The following ICE2 variants were observed in gnomAD, a reference collection of about 807,000 sequenced individuals.
ICE2 encodes the protein little elongation complex subunit 2.
Under a neutral mutation model 105.4 loss-of-function variants are expected in ICE2, and 87 were observed. That is an observed-to-expected ratio of 0.83 (90% confidence interval 0.69 to 0.99). ICE2 has a LOEUF of 0.99. Among genes scored for constraint, ICE2 ranks in the 50% least tolerant of loss-of-function variants. ICE2 has a pLI of 0.00. For synonymous variants in ICE2, 399 were observed against 392.0 expected, an observed-to-expected ratio of 1.02 and a Z score of -0.21; for missense variants, 1,323 against 1,146.7, an observed-to-expected ratio of 1.15 and a Z score of -2.22.
chr15:60,453,386 G>A lies in ICE2; in HGVS notation c.1125+217C>T, dbSNP rs907370059. On this transcript the variant is annotated intron_variant, in intron 9 of 15. Transcript: ENST00000261520. ...TTAACCCTCATAATAACCTTGTCAA[G>A]TAGGTACTACTTCCTTTCATGTATG... 152 of 1,338,374 alleles carry A rather than the reference G, an allele frequency of 1.1e-4. No homozygotes were observed. The African/African-American group carries it at 2.0e-3, about 17-fold the overall frequency. 82.9% of individuals were successfully genotyped at this position (1,338,374 alleles called of 1,614,324 possible).
At chr15:60,469,578 C>T (rs955935380) in intron 3 of ICE2, among the ~76,000 whole-genome samples, 1 of 152,146 alleles carries the variant, frequency 6.6e-6, no homozygotes, top group African/African-American at 2.4e-5. Context: ...CAGGAACTGC[C>T]GGTCCTTGGA....
chr15:60,425,473 G>A (rs1016955675), intron 15 of ICE2, among the ~76,000 whole-genome samples: 1 of 152,164 alleles, frequency 6.6e-6, no homozygotes, highest in Admixed American at 6.5e-5. Flanking sequence ...AAGAAAAAAG[G>A]GATAAGTGTG....
Position 60,423,714 on chromosome 15 carries a change from T to A in ICE2, c.2869A>T (p.Met957Leu). 1 of 1,603,316 alleles carries A rather than the reference T, an allele frequency of 6.2e-7. No homozygotes were observed. The highest frequency in any genetic ancestry group is 1.1e-5 in the South Asian group (1 of 88,696). The change falls in exon 16 of 16, where the codon ATG (methionine) becomes TTG (leucine). Residue 957 changes from methionine to leucine, a missense_variant. Transcript: ENST00000261520. ...GGCAAGCAACTGCTTTTGGTTTCCA[T>A]GGAAACTGGATTCCTGTGGCTGCGT... is the stretch of plus-strand genomic sequence containing the variant. Reference protein sequence around the residue: ...PTRSHRNPVSMETKSSCLPAQ... With the variant: ...PTRSHRNPVSLETKSSCLPAQ...
Position 60,454,098 on chromosome 15 carries a change from T to C in ICE2, c.944-314A>G, listed in dbSNP as rs541268217. On this transcript the variant is annotated intron_variant, in intron 8 of 15. Transcript: ENST00000261520. ...GGAACTTGCAAAAAGTGATGAAATA[T>C]TTACCACATAGAATATATTACATTT... is the stretch of plus-strand genomic sequence containing the variant. 2.0e-5 allele frequency among the ~76,000 whole-genome samples: 3 copies of C among 152,326 alleles called. No individual in the cohort carries two copies. The South Asian group carries it at 6.2e-4, about 32-fold the overall frequency.
chr15:60,479,054 C>T lies in ICE2; in HGVS notation c.-144G>A, dbSNP rs1251962201. The T allele has an allele frequency of 2.2e-6, 1 of 455,034 alleles. No individual in the cohort carries two copies. The highest frequency in any genetic ancestry group is 2.0e-5 in the African/African-American group (1 of 50,172). The allele number at this position is 455,034 out of a possible 1,614,324, so 28.2% of individuals were successfully genotyped here. ...AGGCCGCAGCCACACACCACACACG[C>T]TCCACCCCACTCCTCACATTGTCGC... On this transcript the variant is annotated 5_prime_UTR_variant, in exon 1 of 16. Coordinates refer to ENST00000261520, the MANE Select transcript of ICE2 (RefSeq NM_024611.6).
chr15:60,434,234 G>C (rs1032482784), intron 13 of ICE2, among the ~76,000 whole-genome samples: 2 of 152,146 alleles, frequency 1.3e-5, no homozygotes, highest in Non-Finnish European at 2.9e-5. Flanking sequence ...GACATTTAGA[G>C]TTCTGAGTAC....
intron 9 of ICE2, chr15:60,452,083 C>T (rs1355736799): frequency 7.1e-6 from 7 of 985,252 alleles, no homozygotes; most frequent in Non-Finnish European, 8.4e-6. Context: ...CCCTTTTAAC[C>T]TACCTCATGT....
At chr15:60,447,922 A>G (rs925583205) in intron 11 of ICE2, 48 bp downstream of exon 11, 5 of 1,431,978 alleles carry the variant, frequency 3.5e-6, no homozygotes, top group Non-Finnish European at 3.9e-6. Flanking sequence ...TTAAGTATCT[A>G]TTGATTATTT....
intron 5 of ICE2, among the ~76,000 whole-genome samples, chr15:60,464,783 T>C (rs947760420): frequency 6.6e-6 from 1 of 152,138 alleles, no homozygotes. Context: ...TCTGAGAGGC[T>C]GACGCAGAAG....
At chr15:60,458,029 T>TA (rs1423755825) in intron 5 of ICE2, among the ~76,000 whole-genome samples, 1 of 152,174 alleles carries the variant, frequency 6.6e-6, no homozygotes, top group Non-Finnish European at 1.5e-5. Context: ...TGGTGGATGT[T>TA]AGTGTTTTTA....
rs192302430 is a variant in ICE2 at position 60,476,626 on chromosome 15, G to T, written c.42-459C>A. Among the ~76,000 whole-genome samples, 84 of 152,272 alleles carry T rather than the reference G, an allele frequency of 5.5e-4. 1 individual carries two copies. Among genetic ancestry groups the T allele is most frequent in the Middle Eastern group, 3.4e-3 (1 of 294 alleles). ...GACACTACAAAGACTAAATAGCCTA[G>T]CTATTTTGTTTACTTTGGCAAATGG... On this transcript the variant is annotated intron_variant, in intron 2 of 15. Coordinates refer to ENST00000261520, the MANE Select transcript of ICE2 (RefSeq NM_024611.6).
chr15:60,443,624 TC>T (rs2063764954), intron 11 of ICE2, among the ~76,000 whole-genome samples: 1 of 152,206 alleles, frequency 6.6e-6, no homozygotes, highest in Non-Finnish European at 1.5e-5. Flanking sequence ...AAGCTATTGT[TC>T]CAGGGACCAT....
At chr15:60,476,216 C>T in intron 2 of ICE2, 49 bp from the exon 3 acceptor site, 2 of 1,201,418 alleles carry the variant, frequency 1.7e-6, no homozygotes, top group Non-Finnish European at 2.4e-6. Context: ...AAATCTCATG[C>T]TAGACTATGA....
At chr15:60,473,151 CG>C (rs2064654679) in intron 3 of ICE2, among the ~76,000 whole-genome samples, 1 of 151,970 alleles carries the variant, frequency 6.6e-6, no homozygotes, top group South Asian at 2.1e-4. Context: ...ATATGTTGCC[CG>C]GGCTGGTCTT....
At chr15:60,427,965 G>A (rs2063373620) in intron 15 of ICE2, among the ~76,000 whole-genome samples, 1 of 151,986 alleles carries the variant, frequency 6.6e-6, no homozygotes, top group Non-Finnish European at 1.5e-5. Flanking sequence ...TTTTAATTAG[G>A]CACTCTGTTC....
intron 12 of ICE2, among the ~76,000 whole-genome samples, chr15:60,436,984 G>A (rs552480285): frequency 6.6e-6 from 1 of 152,166 alleles, no homozygotes; most frequent in Admixed American, 6.5e-5. Context: ...TGGGTGTGGT[G>A]GCTCACGCCT....
At position 60,456,416 on chromosome 15, in the gene ICE2, C is replaced by A. The variant is rs370006522; in HGVS notation, c.666+241G>T. ...AAAATCAGCCAGGCTTGGTGGCAGGCGCCTGTAATTCCAGCTACTTGGGAG... is the reference window on the plus strand; with the variant it reads ...AAAATCAGCCAGGCTTGGTGGCAGGAGCCTGTAATTCCAGCTACTTGGGAG... On this transcript the variant is annotated intron_variant, in intron 6 of 15. Coordinates refer to ENST00000261520, the MANE Select transcript of ICE2 (RefSeq NM_024611.6). Among the ~76,000 whole-genome samples, 4 of 149,288 alleles carry A rather than the reference C, an allele frequency of 2.7e-5. No homozygotes were observed. The East Asian group carries it at 8.0e-4, about 30-fold the overall frequency.
At chr15:60,433,711 G>C (rs1186423232) in intron 13 of ICE2, among the ~76,000 whole-genome samples, 1 of 151,164 alleles carries the variant, frequency 6.6e-6, no homozygotes, top group Non-Finnish European at 1.5e-5. Context: ...GGCTGGTCTC[G>C]AACTCCTGAC....
At chr15:60,448,408 T>C (rs1483141464) in intron 10 of ICE2, among the ~76,000 whole-genome samples, 2 of 152,298 alleles carry the variant, frequency 1.3e-5, no homozygotes, top group Non-Finnish European at 2.9e-5. Context: ...CAGCATACCA[T>C]GTGAGAAAAA....
Sources: gnomAD v4.1 joint callset for allele counts (sites outside exome capture counted in the v4.1 genomes callset) on GRCh38, gnomAD v4.1.1 for gene constraint, MANE v1.5 for transcripts, NCBI Gene and HGNC (gene_info 2026-07-23, HGNC 2026-07-21) for gene names.